Variants in ST6GALNAC2 observed in about 807,000 individuals in gnomAD.
ST6GALNAC2 encodes alpha-N-acetylgalactosaminide alpha-2,6-sialyltransferase 2.
In ST6GALNAC2, 42 loss-of-function variants were observed where a neutral mutation model predicts 38.7. The observed-to-expected ratio is 1.09, with a 90% CI of 0.85 to 1.40. The LOEUF (loss-of-function observed/expected upper bound fraction) is 1.40, where lower values mean the gene tolerates loss of function less well. Ranked by LOEUF, ST6GALNAC2 falls within the 40% of genes most tolerant of loss-of-function variation. The pLI is 0.00. For synonymous variants in ST6GALNAC2, 233 were observed against 209.0 expected (o/e 1.11, Z -0.99); for missense variants, 506 against 481.7 (o/e 1.05, Z -0.47).
rs116265019 is a variant in ST6GALNAC2, at chr17:76,569,867, G to A, written c.773+698C>T. 1.5e-3 allele frequency: 476 copies of A among 309,866 alleles called. 1 individual carries two copies. The highest frequency in any genetic ancestry group is 9.0e-3 in the African/African-American group (423 of 47,080). 19.2% of individuals were successfully genotyped at this position (309,866 alleles called of 1,614,324 possible). On this transcript the variant is annotated intron_variant, in intron 6 of 8. Coordinates refer to ENST00000225276, the MANE Select transcript of ST6GALNAC2 (RefSeq NM_006456.3). ...GTGGGGAAGATGTCCTCAGCGAGAC[G>A]CCGAGATAGGAGGGCTGGTTGTCTG...
At chr17:76,575,844 T>C (rs542182899) in intron 2 of ST6GALNAC2, among the ~76,000 whole-genome samples, 1 of 152,314 alleles carries the variant, frequency 6.6e-6, no homozygotes, top group Non-Finnish European at 1.5e-5. Context: ...GTTAAGCCAT[T>C]CGTTTGATCA....
At chr17:76,574,192 C>T (rs1053756983) in intron 3 of ST6GALNAC2, among the ~76,000 whole-genome samples, 173 bp downstream of exon 3, 5 of 152,048 alleles carry the variant, frequency 3.3e-5, no homozygotes, top group East Asian at 1.9e-4. Context: ...GGTGCTTGGA[C>T]GGAGGAGGGA....
intron 8 of ST6GALNAC2, among the ~76,000 whole-genome samples, chr17:76,566,933 G>A (rs185285779): frequency 2.7e-3 from 413 of 152,274 alleles, no homozygotes; most frequent in Non-Finnish European, 4.7e-3. Context: ...CTCCTTGAAA[G>A]CTGCTGCTTG....
At chr17:76,567,612 A>C in intron 7 of ST6GALNAC2, 60 bp from the exon 8 acceptor site, 4 of 1,133,436 alleles carry the variant, frequency 3.5e-6, no homozygotes, top group Non-Finnish European at 5.4e-6. Context: ...ACACTTCACA[A>C]CTACACATTC....
chr17:76,565,488 C>G lies in ST6GALNAC2; in HGVS notation c.*616G>C, dbSNP rs1396914135. The G allele has an allele frequency of 6.6e-6, 1 of 152,130 alleles. No homozygotes were observed. The highest frequency in any genetic ancestry group is 1.5e-5 in the Non-Finnish European group (1 of 68,100). The allele number at this position is 152,130 out of a possible 1,614,324, so 9.4% of individuals were successfully genotyped here. A position where few individuals can be genotyped will look rare whatever the true frequency, so the allele number is the denominator to read the frequency against. ...CAGGCAGGCTGCCAAGCAACTAACC[C>G]CCATCAAGTGCCAGACCCTCCCAGT... On this transcript the variant is annotated 3_prime_UTR_variant, in exon 9 of 9. Transcript: ENST00000225276.
At chr17:76,576,709 G>A (rs1000740438) in intron 2 of ST6GALNAC2, among the ~76,000 whole-genome samples, 1 of 152,106 alleles carries the variant, frequency 6.6e-6, no homozygotes, top group Admixed American at 6.5e-5. Flanking sequence ...GGTGGCTCAT[G>A]CCTATAATCC....
intron 8 of ST6GALNAC2, among the ~76,000 whole-genome samples, chr17:76,566,999 C>T (rs557929700): frequency 9.2e-5 from 14 of 152,166 alleles, no homozygotes; most frequent in Non-Finnish European, 1.9e-4. Flanking sequence ...TGACTCTTAA[C>T]GGTGATTTCA....
intron 7 of ST6GALNAC2, 85 bp from the exon 8 acceptor site, chr17:76,567,637 A>T: frequency 1.1e-6 from 1 of 882,962 alleles, no homozygotes; most frequent in Non-Finnish European, 1.9e-6. Flanking sequence ...AGGTGGGAAA[A>T]CTTCAAAAAC....
Position 76,570,593 on chromosome 17 carries a change from C to G in ST6GALNAC2, c.745G>C (p.Val249Leu), listed in dbSNP as rs762979715. Residue 249 changes from valine (V) to leucine (L), a missense_variant, in exon 6 of 9, where the codon GTC (valine) becomes CTC (leucine). Val to Leu is a conservative substitution (Grantham distance 32). Transcript: ENST00000225276. ...TCCCCTTTATCTAGGCCCTCAGGGA[C>G]AGGCACGCCCAGAATGGCCGATCTC... is the stretch of plus-strand genomic sequence containing the variant. ...MLRSAILGVP[V>L]PEGLDKGDRP... 1.9e-6 allele frequency: 3 copies of G among 1,612,854 alleles called. No homozygotes were observed. The South Asian group carries it at 3.3e-5, about 18-fold the overall frequency.
At position 76,578,616 on chromosome 17, in the gene ST6GALNAC2, G is replaced by A. The variant is rs149707506; in HGVS notation, c.186+140C>T. 17 of 723,732 alleles carry A rather than the reference G, an allele frequency of 2.3e-5. 1 individual carries two copies. In the East Asian group the frequency reaches 3.2e-4, roughly 14 times the overall value. The allele number at this position is 723,732 out of a possible 1,614,324, so 44.8% of individuals were successfully genotyped here. ...CAGGTCTGAGAGGCCCTGAAGGGAC[G>A]GATGCTCAGCTGTAACTTAGGGCGT... On this transcript the variant is annotated intron_variant, in intron 2 of 8. Coordinates refer to ENST00000225276, the MANE Select transcript of ST6GALNAC2 (RefSeq NM_006456.3).
intron 1 of ST6GALNAC2, among the ~76,000 whole-genome samples, chr17:76,584,632 C>T (rs955038198): frequency 6.6e-6 from 1 of 152,200 alleles, no homozygotes; most frequent in African/African-American, 2.4e-5. Flanking sequence ...GTTAAGTCAC[C>T]GTGGCGGGGC....
intron 7 of ST6GALNAC2, 186 bp from the exon 8 acceptor site, chr17:76,567,738 G>T: frequency 1.9e-6 from 1 of 528,470 alleles, no homozygotes; most frequent in Non-Finnish European, 3.4e-6. Flanking sequence ...TGGGGGAGGG[G>T]GTGGTGAGAA....
intron 2 of ST6GALNAC2, among the ~76,000 whole-genome samples, chr17:76,574,801 C>T (rs552267456): frequency 2.0e-5 from 3 of 152,142 alleles, no homozygotes; most frequent in East Asian, 1.9e-4. Context: ...CTCAGCCTGC[C>T]GAGTAGCTGG....
chr17:76,573,420 G>T lies in ST6GALNAC2; in HGVS notation c.362-57C>A, dbSNP rs929008668. The stretch of plus-strand genomic sequence containing the variant: ...AGGGCTGGCATCGGGGGCACCTGGG[G>T]CCTTCCCTAGGCTGGTTCTGGTGCC... On this transcript the variant is annotated intron_variant, in intron 3 of 8. Coordinates refer to ENST00000225276, the MANE Select transcript of ST6GALNAC2 (RefSeq NM_006456.3). This position sits in a 1 kb window ranked among gnomAD's most constrained non-coding sequence, Gnocchi z 5.1. The T allele has an allele frequency of 6.2e-6, 9 of 1,450,462 alleles. No homozygotes were observed. In the East Asian group the frequency reaches 1.8e-4, roughly 29 times the overall value. 89.8% of individuals were successfully genotyped at this position (1,450,462 alleles called of 1,614,324 possible).
rs752592402 is a variant in ST6GALNAC2, at chr17:76,570,552, C to T, written c.773+13G>A. 6.3e-7 allele frequency: 1 copy of T among 1,593,360 alleles called. No individual in the cohort carries two copies. ...TCTGCCACGCCCCACACCACCACGG[C>T]CTGGCTGCTCACCTGTCCCCTTTAT... On this transcript the variant is annotated intron_variant, in intron 6 of 8. Transcript: ENST00000225276.
At chr17:76,578,674 A>T in intron 2 of ST6GALNAC2, 82 bp downstream of exon 2, 1 of 1,306,892 alleles carries the variant, frequency 7.7e-7, no homozygotes. Flanking sequence ...ATCTCATGAG[A>T]GTGTTCTCGT....
At chr17:76,570,224 G>A (rs905020574) in intron 6 of ST6GALNAC2, 6 of 265,358 alleles carry the variant, frequency 2.3e-5, no homozygotes, top group South Asian at 1.1e-4. Context: ...ACCCGGAGCC[G>A]CTGGCGGCTG....
At chr17:76,576,840 C>T (rs1172962846) in intron 2 of ST6GALNAC2, among the ~76,000 whole-genome samples, 1 of 151,710 alleles carries the variant, frequency 6.6e-6, no homozygotes, top group African/African-American at 2.4e-5. Context: ...TGTGGTGGCA[C>T]ATCCCTGTAA....
At chr17:76,585,650 T>G in intron 1 of ST6GALNAC2, 34 bp downstream of exon 1, 1 of 1,504,588 alleles carries the variant, frequency 6.6e-7, no homozygotes, top group Non-Finnish European at 8.8e-7. Flanking sequence ...TGGTCGCCCC[T>G]GCGCCCTCCC....
Sources: gnomAD v4.1 joint callset for allele counts (sites outside exome capture counted in the v4.1 genomes callset) on GRCh38, gnomAD v4.1.1 for gene constraint, Gnocchi (gnomAD v3.1) non-coding constraint, MANE v1.5 for transcripts, NCBI Gene and HGNC (gene_info 2026-07-23, HGNC 2026-07-21) for gene names.